Variants in ZDHHC8 observed in about 807,000 individuals in gnomAD.
ZDHHC8 encodes palmitoyltransferase ZDHHC8.
In ZDHHC8, 24 loss-of-function variants were observed where a neutral mutation model predicts 61.2. The observed-to-expected ratio is 0.39, with a 90% CI of 0.28 to 0.55. The LOEUF (loss-of-function observed/expected upper bound fraction) is 0.55, where lower values mean the gene tolerates loss of function less well. ZDHHC8 is among the 20% of genes least tolerant of loss of function. The probability of loss-of-function intolerance (pLI) is 0.60; values close to 1 mark genes in which losing one functional copy is unlikely to be tolerated. For missense variants in ZDHHC8, 935 were observed against 1,102.1 expected, an observed-to-expected ratio of 0.85 and a Z score of 2.15; for synonymous variants, 523 against 492.5, an observed-to-expected ratio of 1.06 and a Z score of -0.82.
intron 5 of ZDHHC8, 49 bp downstream of exon 5, chr22:20,140,266 G>A (rs759788053): frequency 1.9e-6 from 3 of 1,558,990 alleles, no homozygotes; most frequent in South Asian, 2.3e-5. Context: ...GAGAGAGTTG[G>A]GGCTGCATGG....
In ZDHHC8 at chr22:20,145,252, C is replaced by T. The variant is rs772963412; in HGVS notation, c.2150C>T (p.Pro717Leu). The T allele has an allele frequency of 3.3e-6, 5 of 1,517,596 alleles. No individual in the cohort carries two copies. The South Asian group carries it at 6.3e-5, about 19-fold the overall frequency. The allele number at this position is 1,517,596 out of a possible 1,614,324, so 94.0% of individuals were successfully genotyped here. ...VQRDHPQLKTPPSKLNGQSPG... is the reference protein window; with the variant it reads ...VQRDHPQLKTLPSKLNGQSPG... Reference sequence around the variant, plus strand: ...AGGGACCACCCTCAGCTGAAGACTCCCCCAAGTAAGCTTAATGGGCAGTCC... The same window carrying T: ...AGGGACCACCCTCAGCTGAAGACTCTCCCAAGTAAGCTTAATGGGCAGTCC... Residue 717 changes from proline (P) to leucine (L), a missense_variant, in exon 11 of 11, where the codon CCC becomes CTC. This residue lies in a region of ZDHHC8 where 692 missense variants were observed against 731.4 expected (regional missense o/e 0.95). Coordinates refer to ENST00000334554, the MANE Select transcript of ZDHHC8 (RefSeq NM_013373.4).
At chr22:20,138,121 T>G (rs1341441694) in intron 1 of ZDHHC8, among the ~76,000 whole-genome samples, 2 of 152,232 alleles carry the variant, frequency 1.3e-5, no homozygotes, top group Non-Finnish European at 2.9e-5. Context: ...TGCAGCAGCG[T>G]GGCCACGTGC....
Position 20,131,922 on chromosome 22 carries a change from A to G in ZDHHC8, c.-26A>G, listed in dbSNP as rs1428099948. The G allele has an allele frequency of 5.1e-6, 5 of 978,852 alleles. No individual in the cohort carries two copies. Among genetic ancestry groups the G allele is most frequent in the African/African-American group, 1.8e-5 (1 of 55,800 alleles). The allele number at this position is 978,852 out of a possible 1,614,324, so 60.6% of individuals were successfully genotyped here. ...CGGCCCTGCCCGCCCGGCCCCGGGGAGGGATGCGGCGGCGCGGCGCCCAGG... is the reference window on the plus strand; with the variant it reads ...CGGCCCTGCCCGCCCGGCCCCGGGGGGGGATGCGGCGGCGCGGCGCCCAGG... On this transcript the variant is annotated 5_prime_UTR_variant, in exon 1 of 11. Coordinates refer to ENST00000334554, the MANE Select transcript of ZDHHC8 (RefSeq NM_013373.4).
Position 20,140,122 on chromosome 22 carries a change from G to A in ZDHHC8, c.565G>A (p.Val189Ile). Reference protein sequence around the residue: ...GAAHTTITMAVMCVAGLFFIP... With the variant: ...GAAHTTITMAIMCVAGLFFIP... ...TTGGCCTTAACGGGCTAGCATGGCT[G>A]TCATGTGTGTGGCCGGCCTCTTCTT... The change falls in exon 5 of 11, where the codon GTC becomes ATC. Residue 189 changes from valine (V) to isoleucine (I), a missense_variant. By Grantham distance (29) the Val-to-Ile change is conservative. Around this residue, in one of 3 missense-constraint regions of ZDHHC8, gnomAD observed 199 missense variants for 334.0 expected, o/e 0.60. Coordinates refer to ENST00000334554, the MANE Select transcript of ZDHHC8 (RefSeq NM_013373.4). 1 of 1,613,752 alleles carries A rather than the reference G, an allele frequency of 6.2e-7. No individual in the cohort carries two copies. Among genetic ancestry groups the A allele is most frequent in the Non-Finnish European group, 8.5e-7 (1 of 1,180,022 alleles).
In ZDHHC8 at chr22:20,147,167, G is replaced by A. The variant is rs772382841; in HGVS notation, c.*1767G>A. The A allele has an allele frequency of 5.2e-5, 79 of 1,529,622 alleles. No homozygotes were observed. Among genetic ancestry groups the A allele is most frequent in the Non-Finnish European group, 6.3e-5 (72 of 1,138,548 alleles). The allele number at this position is 1,529,622 out of a possible 1,614,324, so 94.8% of individuals were successfully genotyped here. A position where few individuals can be genotyped will look rare whatever the true frequency, so the allele number is the denominator to read the frequency against. On this transcript the variant is annotated 3_prime_UTR_variant, in exon 11 of 11. Coordinates refer to ENST00000334554, the MANE Select transcript of ZDHHC8 (RefSeq NM_013373.4). ...AGCCAGGCCGCCGGGGCACCCCCAC[G>A]CGGGGCCATGTGCCGCCTGCACTTG...
rs1371901071 is a variant in ZDHHC8, at chr22:20,142,940, C to T, written c.1310C>T (p.Ala437Val). Reference protein sequence around the residue: ...SGALRSLSLKASSRRGGDHVA... With the variant: ...SGALRSLSLKVSSRRGGDHVA... ...GCTTTGCGCTCCCTGAGCCTCAAGG[C>T]CTCGAGCCGGCGGGGCGGGGATCAT... Residue 437 changes from alanine (A) to valine (V), a missense_variant, in exon 10 of 11, where the codon GCC (alanine) becomes GTC (valine). Physicochemically the swap from Ala to Val is moderately conservative, Grantham distance 64 (BLOSUM62 0). Coordinates refer to ENST00000334554, the MANE Select transcript of ZDHHC8 (RefSeq NM_013373.4). 1.2e-6 allele frequency: 2 copies of T among 1,603,100 alleles called. No individual in the cohort carries two copies. Among genetic ancestry groups the T allele is most frequent in the South Asian group, 1.1e-5 (1 of 90,492 alleles).
Position 20,143,248 on chromosome 22 carries a change from C to T in ZDHHC8, c.1618C>T (p.Arg540Cys), listed in dbSNP as rs746770545. The T allele has an allele frequency of 3.7e-6, 6 of 1,606,306 alleles. No homozygotes were observed. Among genetic ancestry groups the T allele is most frequent in the East Asian group, 2.2e-5 (1 of 44,856 alleles). The change falls in exon 10 of 11, where the codon CGC becomes TGC. Residue 540 changes from arginine to cysteine, a missense_variant. This residue lies in a region of ZDHHC8 where 692 missense variants were observed against 731.4 expected (regional missense o/e 0.95). Transcript: ENST00000334554. ...CCGCCCCCGGGAGCCCTCGCCTGTG[C>T]GCTACGACAACCTGTCCAGGACCAT... ...GPRPREPSPV[R>C]YDNLSRTIMA...
In ZDHHC8 at chr22:20,143,771, G is replaced by T. The variant is rs766767496; in HGVS notation, c.2126+15G>T. 1 of 1,595,166 alleles carries T rather than the reference G, an allele frequency of 6.3e-7. No individual in the cohort carries two copies. The highest frequency in any genetic ancestry group is 8.5e-7 in the Non-Finnish European group (1 of 1,175,512). On this transcript the variant is annotated intron_variant, in intron 10 of 10. Coordinates refer to ENST00000334554, the MANE Select transcript of ZDHHC8 (RefSeq NM_013373.4). ...ACCGTGCAGAGGTGGGTGCCGGGAG[G>T]TGCGGGTGGGCTTCCTGGCACAGGG...
At chr22:20,137,558 C>T (rs942614606) in intron 1 of ZDHHC8, among the ~76,000 whole-genome samples, 4 of 152,250 alleles carry the variant, frequency 2.6e-5, no homozygotes, top group South Asian at 2.1e-4. Context: ...TTTAATGCTC[C>T]GCTGTCAACA....
chr22:20,134,283 G>A (rs1175717048), intron 1 of ZDHHC8, among the ~76,000 whole-genome samples: 1 of 152,246 alleles, frequency 6.6e-6, no homozygotes, highest in Admixed American at 6.5e-5. Flanking sequence ...CCCCTGGGCT[G>A]AATGGCTGTC....
rs185210590 is a variant in ZDHHC8, at chr22:20,139,703, G to T, written c.385-17G>T. ...ATCCCTGCCTGCCATGTGCCCTGAT[G>T]CACTGCTCCCGCCCAGGACTTTGAC... On this transcript the variant is annotated splice_polypyrimidine_tract_variant and intron_variant, in intron 3 of 10. Coordinates refer to ENST00000334554, the MANE Select transcript of ZDHHC8 (RefSeq NM_013373.4). 6.2e-7 allele frequency: 1 copy of T among 1,611,782 alleles called. No homozygotes were observed. Among genetic ancestry groups the T allele is most frequent in the East Asian group, 2.2e-5 (1 of 44,876 alleles).
At chr22:20,133,269 G>A (rs955189584) in intron 1 of ZDHHC8, among the ~76,000 whole-genome samples, 5 of 152,048 alleles carry the variant, frequency 3.3e-5, no homozygotes, top group Non-Finnish European at 7.4e-5. Flanking sequence ...GAGGTGGGTG[G>A]GGGGCAGCCT....
chr22:20,147,031 G>C lies in ZDHHC8; in HGVS notation c.*1631G>C. 1.4e-6 allele frequency: 2 copies of C among 1,428,812 alleles called. No homozygotes were observed. The highest frequency in any genetic ancestry group is 1.5e-5 in the South Asian group (1 of 66,976). The allele number at this position is 1,428,812 out of a possible 1,614,324, so 88.5% of individuals were successfully genotyped here. A position where few individuals can be genotyped will look rare whatever the true frequency, so the allele number is the denominator to read the frequency against. ...CGCCGCGGCCCGCAGGGGGCGGATT[G>C]GCACCTGCACCCGTGGATGGGGGCG... is the stretch of plus-strand genomic sequence containing the variant. On this transcript the variant is annotated 3_prime_UTR_variant, in exon 11 of 11. Transcript: ENST00000334554.
rs771527016 is a variant in ZDHHC8 at position 20,143,488 on chromosome 22, C to T, written c.1858C>T (p.Arg620Cys). 5.0e-6 allele frequency: 8 copies of T among 1,600,576 alleles called. No homozygotes were observed. The East Asian group carries it at 8.9e-5, about 18-fold the overall frequency. ...LVAGPGFGGA[R>C]NPALQTSLSS... Reference sequence around the variant, plus strand: ...GGCTGGGCCCGGCTTCGGTGGCGCCCGCAACCCTGCCCTGCAGACGTCACT... The same window carrying T: ...GGCTGGGCCCGGCTTCGGTGGCGCCTGCAACCCTGCCCTGCAGACGTCACT... Residue 620 changes from arginine to cysteine, a missense_variant, in exon 10 of 11, where the codon CGC becomes TGC. By Grantham distance (180) the Arg-to-Cys change is radical. Transcript: ENST00000334554.
chr22:20,146,311 A>C lies in ZDHHC8; in HGVS notation c.*911A>C. The stretch of plus-strand genomic sequence containing the variant: ...TGCGGTGCTCGCGCCGTGGGAAAGC[A>C]CACTGGGGAGGGGTCAGTGCTTCCC... On this transcript the variant is annotated 3_prime_UTR_variant, in exon 11 of 11. Transcript: ENST00000334554. The C allele has an allele frequency of 3.0e-6, 3 of 985,636 alleles. No individual in the cohort carries two copies. The highest frequency in any genetic ancestry group is 2.4e-6 in the Non-Finnish European group (2 of 829,936). 61.1% of individuals were successfully genotyped at this position (985,636 alleles called of 1,614,324 possible). A position where few individuals can be genotyped will look rare whatever the true frequency, so the allele number is the denominator to read the frequency against.
rs2050524117 is a variant in ZDHHC8, at chr22:20,146,384, T to C, written c.*984T>C. The C allele has an allele frequency of 1.0e-6, 1 of 985,460 alleles. No individual in the cohort carries two copies. The highest frequency in any genetic ancestry group is 1.2e-6 in the Non-Finnish European group (1 of 829,916). 61.0% of individuals were successfully genotyped at this position (985,460 alleles called of 1,614,324 possible). On this transcript the variant is annotated 3_prime_UTR_variant, in exon 11 of 11. Transcript: ENST00000334554. ...AAGCACATGACAGCGTCTGCTTGCG[T>C]TGTGTCTGTTTTATGTTTTTATATC...
chr22:20,147,182 G>A lies in ZDHHC8; in HGVS notation c.*1782G>A, dbSNP rs766392478. On this transcript the variant is annotated 3_prime_UTR_variant, in exon 11 of 11. Coordinates refer to ENST00000334554, the MANE Select transcript of ZDHHC8 (RefSeq NM_013373.4). Reference sequence around the variant, plus strand: ...GCACCCCCACGCGGGGCCATGTGCCGCCTGCACTTGGCTGCCTCCAGTCTT... The same window carrying A: ...GCACCCCCACGCGGGGCCATGTGCCACCTGCACTTGGCTGCCTCCAGTCTT... The A allele has an allele frequency of 2.6e-6, 4 of 1,519,768 alleles. No individual in the cohort carries two copies. Among genetic ancestry groups the A allele is most frequent in the Non-Finnish European group, 2.6e-6 (3 of 1,132,980 alleles). 94.1% of individuals were successfully genotyped at this position (1,519,768 alleles called of 1,614,324 possible). A position where few individuals can be genotyped will look rare whatever the true frequency, so the allele number is the denominator to read the frequency against.
In ZDHHC8 at chr22:20,146,733, G is replaced by C. The variant is rs1360972994; in HGVS notation, c.*1333G>C. On this transcript the variant is annotated 3_prime_UTR_variant, in exon 11 of 11. Coordinates refer to ENST00000334554, the MANE Select transcript of ZDHHC8 (RefSeq NM_013373.4). ...TTTGGGGGAAAGACTTGGGTCTGCC[G>C]CTACCCACAGGGGACTCTCAGGAAC... is the stretch of plus-strand genomic sequence containing the variant. 1.7e-6 allele frequency: 2 copies of C among 1,182,260 alleles called. No homozygotes were observed. The highest frequency in any genetic ancestry group is 9.1e-5 in the Admixed American group (2 of 21,900). The allele number at this position is 1,182,260 out of a possible 1,614,324, so 73.2% of individuals were successfully genotyped here. A position where few individuals can be genotyped will look rare whatever the true frequency, so the allele number is the denominator to read the frequency against.
intron 1 of ZDHHC8, among the ~76,000 whole-genome samples, chr22:20,133,122 C>T (rs2050391982): frequency 6.6e-6 from 1 of 152,226 alleles, no homozygotes; most frequent in South Asian, 2.1e-4. Flanking sequence ...GAGAGAGTTA[C>T]CTGCAGGCTG....
Sources: allele counts gnomAD v4.1 joint callset (sites outside exome capture counted in the v4.1 genomes callset), GRCh38; gene constraint gnomAD v4.1.1; regional missense constraint gnomAD v4.1.1; transcripts MANE v1.5; gene names NCBI Gene and HGNC (gene_info 2026-07-23, HGNC 2026-07-21).